The following PTPRG variants were observed in gnomAD, a reference collection of about 807,000 sequenced individuals.
The protein encoded by PTPRG is receptor-type tyrosine-protein phosphatase gamma.
A neutral mutation model predicts 165.3 loss-of-function variants in PTPRG; 102 were observed. That is an observed-to-expected ratio of 0.62 (90% CI 0.53 to 0.73). PTPRG has a LOEUF of 0.73. Ranked by LOEUF, PTPRG falls within the 30% of genes least tolerant of loss-of-function variation. The pLI is 0.00. For missense variants in PTPRG, 1,866 were observed against 1,861.4 expected, an observed-to-expected ratio of 1.00 and a Z score of -0.05; for synonymous variants, 675 against 669.5, an observed-to-expected ratio of 1.01 and a Z score of -0.13.
rs556531268 is a variant in PTPRG, at chr3:62,217,332, C to T, written c.2156-1519C>T. On this transcript the variant is annotated intron_variant, in intron 12 of 29. Transcript: ENST00000474889. This position sits in a 1 kb window ranked among gnomAD's most constrained non-coding sequence, Gnocchi z 4.3. ...GATACATCAGGTCCTGTCTGCGTCA[C>T]AGGCCTGTGCCTGAAACAAAGGAGG... 6.6e-6 allele frequency among the ~76,000 whole-genome samples: 1 copy of T among 152,224 alleles called. No individual in the cohort carries two copies. Among genetic ancestry groups the T allele is most frequent in the Non-Finnish European group, 1.5e-5 (1 of 68,042 alleles).
chr3:61,748,414 A>G (rs1394476777), intron 1 of PTPRG, among the ~76,000 whole-genome samples: 2 of 152,244 alleles, frequency 1.3e-5, no homozygotes, highest in Non-Finnish European at 2.9e-5. Context: ...TGTAAAGATC[A>G]AATGGAGCCC....
chr3:61,630,588 A>C (rs1221877788), intron 1 of PTPRG, among the ~76,000 whole-genome samples: 1 of 152,044 alleles, frequency 6.6e-6, no homozygotes, highest in Non-Finnish European at 1.5e-5. Flanking sequence ...TTAAGGATTG[A>C]CTCAACTTTA....
At chr3:62,185,351 A>T (rs1705836160) in intron 8 of PTPRG, among the ~76,000 whole-genome samples, 1 of 152,236 alleles carries the variant, frequency 6.6e-6, no homozygotes, top group Non-Finnish European at 1.5e-5. Context: ...AAAAGGCTTC[A>T]ATTTTGTGCA....
chr3:61,606,947 G>A (rs774566529), intron 1 of PTPRG, among the ~76,000 whole-genome samples: 11 of 152,170 alleles, frequency 7.2e-5, no homozygotes, highest in Non-Finnish European at 1.0e-4. Context: ...TTTGGGTCAC[G>A]TTCAGCTGGA....
intron 21 of PTPRG, among the ~76,000 whole-genome samples, chr3:62,272,711 A>G (rs1378403634): frequency 6.6e-6 from 1 of 152,086 alleles, no homozygotes; most frequent in Non-Finnish European, 1.5e-5. Flanking sequence ...AGTGGTACAC[A>G]TCTGTAATCC....
At chr3:61,599,006 T>C (rs966756921) in intron 1 of PTPRG, among the ~76,000 whole-genome samples, 3 of 152,142 alleles carry the variant, frequency 2.0e-5, no homozygotes, top group Non-Finnish European at 4.4e-5. Context: ...AGTGACCCAA[T>C]TTCAATTCAA....
rs563259089 is a variant in PTPRG at position 62,294,417 on chromosome 3, C to T, written c.*1110C>T. ...AGCAAAAGTCTTGGGACTATCTAAA[C>T]TCCCACACATAGATAAATCTGATTT... On this transcript the variant is annotated 3_prime_UTR_variant, in exon 30 of 30. Transcript: ENST00000474889. 6.6e-6 allele frequency: 1 copy of T among 152,090 alleles called. No homozygotes were observed. Among genetic ancestry groups the T allele is most frequent in the African/African-American group, 2.4e-5 (1 of 41,438 alleles). The allele number at this position is 152,090 out of a possible 1,614,324, so 9.4% of individuals were successfully genotyped here.
At chr3:61,711,159 T>C (rs1371544502) in intron 1 of PTPRG, among the ~76,000 whole-genome samples, 1 of 152,252 alleles carries the variant, frequency 6.6e-6, no homozygotes, top group Non-Finnish European at 1.5e-5. Flanking sequence ...TTTTTCTTTA[T>C]CCAGTCTGTC....
intron 1 of PTPRG, among the ~76,000 whole-genome samples, chr3:61,643,116 G>T (rs887978752): frequency 6.6e-6 from 1 of 152,120 alleles, no homozygotes; most frequent in African/African-American, 2.4e-5. Flanking sequence ...AAAAAATGAT[G>T]GAATGGAAAA....
At chr3:61,870,250 A>G (rs2037526867) in intron 2 of PTPRG, among the ~76,000 whole-genome samples, 2 of 152,024 alleles carry the variant, frequency 1.3e-5, no homozygotes, top group Admixed American at 6.5e-5. Context: ...CTATATAAAA[A>G]TAAGTTTTGG....
intron 2 of PTPRG, among the ~76,000 whole-genome samples, chr3:61,766,970 G>A (rs1202976412): frequency 6.6e-6 from 1 of 151,580 alleles, no homozygotes; most frequent in East Asian, 2.0e-4. Context: ...TAGGACAGGA[G>A]CACTGGCTCA....
intron 2 of PTPRG, among the ~76,000 whole-genome samples, chr3:61,775,813 A>G (rs2034361375): frequency 6.6e-6 from 1 of 151,948 alleles, no homozygotes; most frequent in Non-Finnish European, 1.5e-5. Flanking sequence ...CATTCTCAGC[A>G]AACTATCGCA....
At chr3:61,938,930 C>T (rs2039545206) in intron 2 of PTPRG, among the ~76,000 whole-genome samples, 1 of 152,180 alleles carries the variant, frequency 6.6e-6, no homozygotes, top group Non-Finnish European at 1.5e-5. Context: ...CCCATAATAA[C>T]TGATGTAAAA....
At chr3:61,997,110 T>G (rs996844399) in intron 3 of PTPRG, among the ~76,000 whole-genome samples, 1 of 152,178 alleles carries the variant, frequency 6.6e-6, no homozygotes, top group South Asian at 2.1e-4. Context: ...TAGCAGTGAG[T>G]TAACTGAGAC....
At chr3:61,802,104 A>G (rs1160335611) in intron 2 of PTPRG, among the ~76,000 whole-genome samples, 2 of 151,664 alleles carry the variant, frequency 1.3e-5, no homozygotes, top group African/African-American at 2.4e-5. Flanking sequence ...GCAGCTGGTT[A>G]TCTTAGCACC....
At chr3:61,650,532 G>A (rs1702322001) in intron 1 of PTPRG, among the ~76,000 whole-genome samples, 1 of 152,206 alleles carries the variant, frequency 6.6e-6, no homozygotes, top group South Asian at 2.1e-4. Context: ...GGATGTGCCT[G>A]CGGTTTTCAC....
In PTPRG at chr3:62,051,816, A is replaced by C. The variant is rs78448897; in HGVS notation, c.520-26347A>C. On this transcript the variant is annotated intron_variant, in intron 4 of 29. Transcript: ENST00000474889. ...TGTGGTCTGTGTGCCAGGTGGTTACATGTCTTATTTGGCAGGTATTCAATG... is the reference window on the plus strand; with the variant it reads ...TGTGGTCTGTGTGCCAGGTGGTTACCTGTCTTATTTGGCAGGTATTCAATG... Among the ~76,000 whole-genome samples, 133 of 152,346 alleles carry C rather than the reference A, an allele frequency of 8.7e-4. No individual in the cohort carries two copies. The East Asian group carries it at 0.02, about 23-fold the overall frequency.
At chr3:62,039,726 C>T (rs1700065469) in intron 4 of PTPRG, among the ~76,000 whole-genome samples, 1 of 152,192 alleles carries the variant, frequency 6.6e-6, no homozygotes. Context: ...GATGTAGCGA[C>T]TCCTGCAGCT....
intron 1 of PTPRG, among the ~76,000 whole-genome samples, chr3:61,602,742 T>C (rs9821410): frequency 0.03 from 4,599 of 152,274 alleles, 215 homozygotes; most frequent in African/African-American, 0.1. Flanking sequence ...TTTGGGCTTC[T>C]CATCTGTTGT....
Sources: allele counts gnomAD v4.1 joint callset (sites outside exome capture counted in the v4.1 genomes callset), GRCh38; gene constraint gnomAD v4.1.1; non-coding constraint Gnocchi (gnomAD v3.1); transcripts MANE v1.5; gene names NCBI Gene and HGNC (gene_info 2026-07-23, HGNC 2026-07-21).